The following UFL1 variants were observed in gnomAD, a reference collection of about 807,000 sequenced individuals.
The protein encoded by UFL1 is UFM1 specific ligase 1.
Under a neutral mutation model 99.3 loss-of-function variants are expected in UFL1, and 78 were observed. That is an observed-to-expected ratio of 0.79 (90% CI 0.65 to 0.95). The LOEUF is 0.95. Among genes scored for constraint, UFL1 ranks in the 40% least tolerant of loss-of-function variants. UFL1 has a pLI of 0.00. For missense variants in UFL1, 936 were observed against 937.0 expected (o/e 1.00, Z 0.01); for synonymous variants, 335 against 322.2 (o/e 1.04, Z -0.42).
In UFL1 at chr6:96,553,785, A is replaced by G. The variant is rs745934886; in HGVS notation, c.*282A>G. On this transcript the variant is annotated 3_prime_UTR_variant, in exon 19 of 19. Transcript: ENST00000369278. Reference sequence around the variant, plus strand: ...TTTCACATAATTTTAAAAATTACATATTTCAGGTTTGTTCTCTTTCCAAAT... The same window carrying G: ...TTTCACATAATTTTAAAAATTACATGTTTCAGGTTTGTTCTCTTTCCAAAT... 1.3e-4 allele frequency: 37 copies of G among 291,890 alleles called. No homozygotes were observed. Among genetic ancestry groups the G allele is most frequent in the Non-Finnish European group, 2.0e-4 (32 of 156,602 alleles). The allele number at this position is 291,890 out of a possible 1,614,324, so 18.1% of individuals were successfully genotyped here. A position where few individuals can be genotyped will look rare whatever the true frequency, so the allele number is the denominator to read the frequency against.
rs1232865473 is a variant in UFL1, at chr6:96,528,646, A to T, written c.596+14A>T. 1 of 1,604,390 alleles carries T rather than the reference A, an allele frequency of 6.2e-7. No individual in the cohort carries two copies. The highest frequency in any genetic ancestry group is 1.1e-5 in the South Asian group (1 of 89,170). ...TGCTATTACCCGGTAAGTATATTTT[A>T]AAGTATATATATTTGCACATTTCTT... is the stretch of plus-strand genomic sequence containing the variant. On this transcript the variant is annotated intron_variant, in intron 6 of 18. Coordinates refer to ENST00000369278, the MANE Select transcript of UFL1 (RefSeq NM_015323.5).
intron 12 of UFL1, 44 bp downstream of exon 12, chr6:96,543,060 T>A (rs772798387): frequency 6.5e-7 from 1 of 1,543,232 alleles, no homozygotes; most frequent in Non-Finnish European, 8.7e-7. Context: ...TGTGTGATAT[T>A]TGTAACATAT....
chr6:96,548,139 T>TTATG (rs1267708349), intron 12 of UFL1, 25 bp from the exon 13 acceptor site: 1 of 1,427,950 alleles, frequency 7.0e-7, no homozygotes, highest in East Asian at 2.4e-5. Flanking sequence ...ATTTATTTAT[T>TTATG]TGCCATTGCT....
intron 16 of UFL1, 22 bp downstream of exon 16, chr6:96,551,535 T>C (rs1770080045): frequency 5.6e-6 from 8 of 1,428,430 alleles, no homozygotes; most frequent in Non-Finnish European, 7.6e-6. Context: ...TTTATTCTAT[T>C]TACATGTCAG....
intron 11 of UFL1, among the ~76,000 whole-genome samples, chr6:96,540,913 T>C (rs768907975): frequency 1.3e-5 from 2 of 151,502 alleles, no homozygotes; most frequent in African/African-American, 4.8e-5. Flanking sequence ...CCCCATCCTC[T>C]GTCTATGTTC....
intron 11 of UFL1, among the ~76,000 whole-genome samples, chr6:96,541,946 AATAAT>A (rs1452570784): frequency 6.6e-6 from 1 of 151,242 alleles, no homozygotes; most frequent in Non-Finnish European, 1.5e-5. Flanking sequence ...GAAAGGGAAA[AATAAT>A]AGAAGTTTAA....
At chr6:96,541,327 T>G (rs947119404) in intron 11 of UFL1, among the ~76,000 whole-genome samples, 3 of 151,462 alleles carry the variant, frequency 2.0e-5, no homozygotes, top group Non-Finnish European at 3.0e-5. Flanking sequence ...CTGAAGGACA[T>G]ATTTTTACAT....
Position 96,553,531 on chromosome 6 carries a change from T to G in UFL1, c.*28T>G, listed in dbSNP as rs1770112414. On this transcript the variant is annotated 3_prime_UTR_variant, in exon 19 of 19. Coordinates refer to ENST00000369278, the MANE Select transcript of UFL1 (RefSeq NM_015323.5). Reference sequence around the variant, plus strand: ...ATCTTAATTTACATTTGTCATATAGTAAGCATTTTCCCCCAAGGTTGAAGG... The same window carrying G: ...ATCTTAATTTACATTTGTCATATAGGAAGCATTTTCCCCCAAGGTTGAAGG... The G allele has an allele frequency of 3.1e-6, 5 of 1,598,234 alleles. No homozygotes were observed. Among genetic ancestry groups the G allele is most frequent in the East Asian group, 4.5e-5 (2 of 44,596 alleles).
rs1769950840 is a variant in UFL1, at chr6:96,542,911, AGAG to A, written c.1305_1307del (p.Gly438del). On this transcript the variant is annotated inframe_deletion, in exon 12 of 19. Coordinates refer to ENST00000369278, the MANE Select transcript of UFL1 (RefSeq NM_015323.5). ...CCCACCAGAGGGCAGTGGAAGCATGAGAGGAGGAGGTGGGGGCAATGCCAGAGA... is the reference window on the plus strand; with the variant it reads ...CCCACCAGAGGGCAGTGGAAGCATGAGAGGAGGTGGGGGCAATGCCAGAGA... The A allele has an allele frequency of 6.3e-7, 1 of 1,592,680 alleles. No homozygotes were observed. The highest frequency in any genetic ancestry group is 1.8e-5 in the Admixed American group (1 of 56,442).
At position 96,521,866 on chromosome 6, in the gene UFL1, AGGCC is replaced by A; in HGVS notation, c.-6_-3del. On this transcript the variant is annotated 5_prime_UTR_variant, in exon 1 of 19. Coordinates refer to ENST00000369278, the MANE Select transcript of UFL1 (RefSeq NM_015323.5). ...AGTTCCTCCGCGTCTACTGCGAGTCAGGCCGTGATGGCGGACGCCTGGGAAGAGA... is the reference window on the plus strand; with the variant it reads ...AGTTCCTCCGCGTCTACTGCGAGTCAGTGATGGCGGACGCCTGGGAAGAGA... The A allele has an allele frequency of 6.2e-7, 1 of 1,610,972 alleles. No individual in the cohort carries two copies. Among genetic ancestry groups the A allele is most frequent in the Non-Finnish European group, 8.5e-7 (1 of 1,179,056 alleles).
At chr6:96,541,488 C>T (rs763866316) in intron 11 of UFL1, among the ~76,000 whole-genome samples, 4 of 151,314 alleles carry the variant, frequency 2.6e-5, no homozygotes, top group Non-Finnish European at 5.9e-5. Context: ...ATTCAATATT[C>T]AACATTTTTC....
At chr6:96,537,054 A>G (rs1402945781) in intron 8 of UFL1, among the ~76,000 whole-genome samples, 1 of 151,686 alleles carries the variant, frequency 6.6e-6, no homozygotes, top group African/African-American at 2.4e-5. Context: ...GTCAAACTGC[A>G]TAACAGATTA....
At chr6:96,552,014 A>G (rs1770088441) in intron 17 of UFL1, 91 bp downstream of exon 17, 3 of 846,736 alleles carry the variant, frequency 3.5e-6, no homozygotes, top group Non-Finnish European at 3.9e-6. Flanking sequence ...GCTCTTACAC[A>G]GAGAATATGT....
intron 13 of UFL1, 94 bp downstream of exon 13, chr6:96,548,375 A>C (rs1360857104): frequency 4.0e-6 from 3 of 757,074 alleles, no homozygotes; most frequent in Non-Finnish European, 6.0e-6. Context: ...CAAATGTATT[A>C]GATATTTTCA....
At chr6:96,522,714 C>A (rs1374611018) in intron 1 of UFL1, 1 of 153,528 alleles carries the variant, frequency 6.5e-6, no homozygotes, top group Non-Finnish European at 1.4e-5. Flanking sequence ...CCCCTGCCTG[C>A]TTGCAGACCA....
At chr6:96,543,338 T>G (rs1769956516) in intron 12 of UFL1, among the ~76,000 whole-genome samples, 1 of 151,260 alleles carries the variant, frequency 6.6e-6, no homozygotes, top group Non-Finnish European at 1.5e-5. Flanking sequence ...TTGTATAGTT[T>G]GTCAATGATT....
chr6:96,553,161 A>C, intron 18 of UFL1, 124 bp from the exon 19 acceptor site: 1 of 802,424 alleles, frequency 1.2e-6, no homozygotes, highest in Non-Finnish European at 2.0e-6. Context: ...TAGACTTGCT[A>C]CTTACATGGC....
At chr6:96,538,907 C>G in intron 10 of UFL1, 97 bp downstream of exon 10, 4 of 1,055,388 alleles carry the variant, frequency 3.8e-6, no homozygotes, top group South Asian at 5.0e-5. Context: ...AAAGTGAACA[C>G]TTTGTATCAT....
Position 96,537,545 on chromosome 6 carries a change from T to G in UFL1, c.974T>G (p.Ile325Ser), listed in dbSNP as rs750150211. 1.9e-6 allele frequency: 3 copies of G among 1,579,004 alleles called. No individual in the cohort carries two copies. The Admixed American group carries it at 5.9e-5, about 31-fold the overall frequency. Residue 325 changes from isoleucine (I) to serine (S), a missense_variant, in exon 9 of 19, where the codon ATT (isoleucine) becomes AGT (serine). Coordinates refer to ENST00000369278, the MANE Select transcript of UFL1 (RefSeq NM_015323.5). The part of the protein sequence containing the change: ...EAISSGTWVD[I>S]APLLPTSLSV... ...ATCAGCTCTGGAACATGGGTTGATATTGCAGTATGTTTTATCTTTTCCTCA... is the reference window on the plus strand; with the variant it reads ...ATCAGCTCTGGAACATGGGTTGATAGTGCAGTATGTTTTATCTTTTCCTCA...
Sources: gnomAD v4.1 joint callset for allele counts (sites outside exome capture counted in the v4.1 genomes callset) on GRCh38, gnomAD v4.1.1 for gene constraint, MANE v1.5 for transcripts, NCBI Gene and HGNC (gene_info 2026-07-23, HGNC 2026-07-21) for gene names.